BTD: variants seen among roughly 807,000 people sequenced by gnomAD.
BTD encodes biotinidase.
BTD carries 13 observed loss-of-function variants against 17.7 expected under a neutral mutation model. That is an observed-to-expected ratio of 0.74 (90% confidence interval 0.48 to 1.17). BTD has a LOEUF of 1.17. Ranked by LOEUF, BTD falls within the 50% of genes most tolerant of loss-of-function variation. BTD has a pLI of 0.00. For missense variants in BTD, 674 were observed against 650.4 expected (o/e 1.04, Z -0.39); for synonymous variants, 240 against 245.2 (o/e 0.98, Z 0.20).
intron 2 of BTD, among the ~76,000 whole-genome samples, chr3:15,638,008 A>G (rs1254421760): frequency 6.6e-6 from 1 of 152,154 alleles, no homozygotes; most frequent in African/African-American, 2.4e-5. Context: ...ATACGTGGTT[A>G]TATGTTTTTT....
intron 1 of BTD, among the ~76,000 whole-genome samples, chr3:15,610,884 CAAAG>C (rs916915124): frequency 7.1e-6 from 1 of 141,668 alleles, no homozygotes; most frequent in African/African-American, 2.6e-5. Flanking sequence ...TTTTAAAAAA[CAAAG>C]AAGTGATGAG....
intron 3 of BTD, chr3:15,670,528 G>T: frequency 6.2e-7 from 1 of 1,613,900 alleles, no homozygotes; most frequent in South Asian, 1.1e-5. Context: ...CATCCTTATT[G>T]GGAGCACAGG....
chr3:15,695,194 TAG>T, intron 3 of BTD: 1 of 1,594,766 alleles, frequency 6.3e-7, no homozygotes, highest in Non-Finnish European at 8.6e-7. Flanking sequence ...TTACAACATC[TAG>T]AGGAGTTTCA....
downstream of BTD, among the ~76,000 whole-genome samples, chr3:15,713,937 T>C (rs2072661726): frequency 6.6e-6 from 1 of 152,214 alleles, no homozygotes; most frequent in African/African-American, 2.4e-5. Flanking sequence ...CACGTTTCTT[T>C]AGAGCAAGAC....
At chr3:15,638,107 C>G (rs1332561949) in intron 2 of BTD, among the ~76,000 whole-genome samples, 1 of 152,092 alleles carries the variant, frequency 6.6e-6, no homozygotes, top group African/African-American at 2.4e-5. Context: ...AGTAGAAAAC[C>G]AAAATTTGTT....
At chr3:15,618,420 A>G (rs1455746044) in intron 1 of BTD, among the ~76,000 whole-genome samples, 2 of 152,204 alleles carry the variant, frequency 1.3e-5, no homozygotes, top group African/African-American at 4.8e-5. Flanking sequence ...ATTTCTTTCA[A>G]CAGAGTTTTG....
downstream of BTD, among the ~76,000 whole-genome samples, chr3:15,716,695 C>A (rs978708983): frequency 6.6e-6 from 1 of 152,024 alleles, no homozygotes; most frequent in Non-Finnish European, 1.5e-5. Flanking sequence ...CAAAACAAAA[C>A]AAATAAAAAC....
At chr3:15,612,662 TGA>T (rs1476001654) in intron 1 of BTD, among the ~76,000 whole-genome samples, 1 of 151,812 alleles carries the variant, frequency 6.6e-6, no homozygotes, top group African/African-American at 2.4e-5. Context: ...TTATTTCTGG[TGA>T]GTTTTCTTCA....
chr3:15,661,052 G>A (rs1378553699), intron 3 of BTD, among the ~76,000 whole-genome samples: 1 of 151,884 alleles, frequency 6.6e-6, no homozygotes, highest in Non-Finnish European at 1.5e-5. Flanking sequence ...GATCACTTGA[G>A]GTCAGGAGTT....
chr3:15,717,131 C>CTTTA (rs759485583), downstream of BTD, among the ~76,000 whole-genome samples: 50 of 152,034 alleles, frequency 3.3e-4, no homozygotes, highest in South Asian at 2.5e-3. Context: ...GTGATGAGTC[C>CTTTA]TTTATTTATT....
At chr3:15,713,660 T>C (rs1409532734), downstream of BTD, 2 of 1,509,990 alleles carry the variant, frequency 1.3e-6, no homozygotes, top group African/African-American at 1.4e-5. Context: ...TAGGACTTAC[T>C]GTCAGACACT....
intron 3 of BTD, chr3:15,670,674 T>C: frequency 2.9e-6 from 3 of 1,040,636 alleles, no homozygotes; most frequent in Non-Finnish European, 4.1e-6. Flanking sequence ...TAGCTTATAA[T>C]AAATTGCTGT....
chr3:15,713,513 C>T (rs376164709), downstream of BTD: 38 of 1,601,074 alleles, frequency 2.4e-5, no homozygotes, highest in African/African-American at 4.0e-5. Flanking sequence ...ATCAACACCT[C>T]GGTAAGTACT....
intron 3 of BTD, chr3:15,676,194 C>T (rs546318399): frequency 1.5e-5 from 6 of 403,760 alleles, no homozygotes; most frequent in Non-Finnish European, 2.6e-5. Flanking sequence ...ACGTGTAGCT[C>T]GGCATCAAGC....
downstream of BTD, among the ~76,000 whole-genome samples, chr3:15,717,396 A>C (rs2073192274): frequency 6.6e-6 from 1 of 152,172 alleles, no homozygotes; most frequent in Admixed American, 6.5e-5. Flanking sequence ...TTACTAACTA[A>C]AAAGTTTGCC....
At chr3:15,708,132 T>C (rs2071717404) in intron 3 of BTD, 1 of 1,497,152 alleles carries the variant, frequency 6.7e-7, no homozygotes, top group African/African-American at 1.4e-5. Context: ...AAAGCATAGT[T>C]GACTCTTACT....
At chr3:15,690,245 T>G in intron 3 of BTD, 1 of 1,524,204 alleles carries the variant, frequency 6.6e-7, no homozygotes. Context: ...AAATGTAAAT[T>G]TAAAACATAC....
At chr3:15,643,040 A>AAT (rs1553653329) in intron 3 of BTD, among the ~76,000 whole-genome samples, 3 of 130,156 alleles carry the variant, frequency 2.3e-5, no homozygotes, top group South Asian at 2.6e-4. Flanking sequence ...AAAAAAAAAA[A>AAT]AAAATAAAAT....
At chr3:15,637,852 A>C (rs923976819) in intron 2 of BTD, among the ~76,000 whole-genome samples, 2 of 152,176 alleles carry the variant, frequency 1.3e-5, no homozygotes, top group African/African-American at 2.4e-5. Flanking sequence ...ACCTTTCAAT[A>C]ATCTGCCCCC....
Sources: gnomAD v4.1 joint callset for allele counts (sites outside exome capture counted in the v4.1 genomes callset) on GRCh38, gnomAD v4.1.1 for gene constraint, MANE v1.5 for transcripts, NCBI Gene and HGNC (gene_info 2026-07-23, HGNC 2026-07-21) for gene names.